MEP1B: variants seen among roughly 807,000 people sequenced by gnomAD.
MEP1B encodes meprin A subunit beta, also known as N-benzoyl-L-tyrosyl-P-amino-benzoic acid hydrolase subunit beta.
MEP1B carries 80 observed loss-of-function variants against 84.6 expected under a neutral mutation model. The observed-to-expected ratio is 0.95, with a 90% CI of 0.79 to 1.14. The LOEUF (loss-of-function observed/expected upper bound fraction) is 1.14, where lower values mean the gene tolerates loss of function less well. MEP1B is among the 50% of genes most tolerant of loss of function. MEP1B has a pLI of 0.00. For synonymous variants in MEP1B, 273 were observed against 288.1 expected (o/e 0.95, Z 0.53); for missense variants, 766 against 855.1 (o/e 0.90, Z 1.30).
intron 9 of MEP1B, among the ~76,000 whole-genome samples, chr18:32,209,722 C>T (rs538766653): frequency 2.6e-5 from 4 of 151,978 alleles, no homozygotes; most frequent in African/African-American, 9.7e-5. Flanking sequence ...ACAATATCTT[C>T]TGAAAGTTGA....
In MEP1B at chr18:32,210,492, C is replaced by G; in HGVS notation, c.920-9C>G. 1 of 1,611,772 alleles carries G rather than the reference C, an allele frequency of 6.2e-7. No homozygotes were observed. The highest frequency in any genetic ancestry group is 1.7e-4 in the Middle Eastern group (1 of 6,054). ...CTGTTTTTCTCTCAATTCTGCTTTT[C>G]TTTAACAGGTTCTGGTTTCTTCATG... On this transcript the variant is annotated splice_polypyrimidine_tract_variant and intron_variant, in intron 9 of 14. Transcript: ENST00000269202.
At chr18:32,190,704 T>C (rs1329499336) in intron 1 of MEP1B, among the ~76,000 whole-genome samples, 3 of 152,098 alleles carry the variant, frequency 2.0e-5, no homozygotes, top group Non-Finnish European at 2.9e-5. Context: ...ATTCTATGAA[T>C]AGGAACTAGA....
intron 12 of MEP1B, 43 bp downstream of exon 12, chr18:32,215,304 G>A (rs536127885): frequency 3.2e-6 from 4 of 1,256,550 alleles, no homozygotes; most frequent in East Asian, 5.0e-5. Flanking sequence ...GTTTTTTTTT[G>A]TTGTGGCCAC....
At chr18:32,218,734 G>C (rs540683670) in intron 14 of MEP1B, among the ~76,000 whole-genome samples, 2 of 152,248 alleles carry the variant, frequency 1.3e-5, no homozygotes, top group African/African-American at 4.8e-5. Context: ...TCTTAGGCAC[G>C]TCCTGAATCG....
chr18:32,198,884 G>T (rs995184832), intron 5 of MEP1B, among the ~76,000 whole-genome samples: 11 of 151,890 alleles, frequency 7.2e-5, no homozygotes, highest in Non-Finnish European at 1.2e-4. Flanking sequence ...TTCAGAGAAA[G>T]AATTAAGAGA....
At chr18:32,212,567 T>A (rs117885240) in intron 10 of MEP1B, among the ~76,000 whole-genome samples, 2,148 of 152,300 alleles carry the variant, frequency 0.014, 25 homozygotes, top group Non-Finnish European at 0.019. Context: ...AGATAAATAC[T>A]TACAATGCTG....
intron 14 of MEP1B, 108 bp from the exon 15 acceptor site, chr18:32,220,123 C>G: frequency 9.6e-7 from 1 of 1,047,022 alleles, no homozygotes; most frequent in East Asian, 2.6e-5. Flanking sequence ...GGCCAGGAGA[C>G]TGCTGATGGG....
intron 12 of MEP1B, 120 bp downstream of exon 12, chr18:32,215,381 T>G (rs2041073205): frequency 3.7e-6 from 2 of 534,912 alleles, no homozygotes; most frequent in Admixed American, 3.9e-5. Flanking sequence ...GTGGGGGGAA[T>G]GGGCATGAAT....
rs1568269316 is a variant in MEP1B, at chr18:32,207,253, C to T, written c.549C>T (p.Gly183=). ...AAAGATTTTTTATTTATCCTTTAGG[C>T]AGAGAGCACAATTTTAACACCTATA... ...VRIMWDRILS[G]REHNFNTYSD... Residue 183 remains glycine (G), a splice_region_variant and synonymous_variant, in exon 8 of 15, where the codon GGC becomes GGT. Transcript: ENST00000269202. 1.3e-6 allele frequency: 2 copies of T among 1,596,832 alleles called. No individual in the cohort carries two copies. The highest frequency in any genetic ancestry group is 3.4e-5 in the Admixed American group (2 of 59,608).
chr18:32,192,702 T>A lies in MEP1B; in HGVS notation c.127+12T>A, dbSNP rs970155241. 1.2e-6 allele frequency: 2 copies of A among 1,612,816 alleles called. No individual in the cohort carries two copies. Among genetic ancestry groups the A allele is most frequent in the African/African-American group, 2.7e-5 (2 of 74,916 alleles). ...TGATATCAATGAAGGTTTGTGGATT[T>A]TTTTTACATAATCTCTTAAGTAGAG... is the stretch of plus-strand genomic sequence containing the variant. On this transcript the variant is annotated intron_variant, in intron 3 of 14. Coordinates refer to ENST00000269202, the MANE Select transcript of MEP1B (RefSeq NM_005925.3).
At chr18:32,208,097 A>G (rs776374473) in intron 8 of MEP1B, 22 bp from the exon 9 acceptor site, 17 of 1,611,418 alleles carry the variant, frequency 1.1e-5, no homozygotes, top group Non-Finnish European at 1.3e-5. Flanking sequence ...GAGTGTCAAT[A>G]ATTGTTTTTT....
intron 10 of MEP1B, 43 bp from the exon 11 acceptor site, chr18:32,213,073 T>C (rs760582020): frequency 8.3e-6 from 13 of 1,560,756 alleles, no homozygotes; most frequent in Non-Finnish European, 1.1e-5. Flanking sequence ...ATGTACATGA[T>C]TTGAACTTCT....
At chr18:32,203,678 C>T (rs2040935007) in intron 6 of MEP1B, among the ~76,000 whole-genome samples, 1 of 152,098 alleles carries the variant, frequency 6.6e-6, no homozygotes, top group Admixed American at 6.5e-5. Flanking sequence ...GTAATTTATA[C>T]AGAAAAGAGG....
intron 14 of MEP1B, among the ~76,000 whole-genome samples, chr18:32,219,877 C>T (rs1188375412): frequency 1.3e-5 from 2 of 152,056 alleles, no homozygotes; most frequent in African/African-American, 4.8e-5. Flanking sequence ...GTCATTTAAA[C>T]ACATTCCTAA....
At chr18:32,217,412 A>C (rs1037474684) in intron 13 of MEP1B, among the ~76,000 whole-genome samples, 2 of 152,114 alleles carry the variant, frequency 1.3e-5, no homozygotes, top group African/African-American at 4.8e-5. Context: ...CATTTTCTAG[A>C]TGAAGATACT....
chr18:32,212,633 T>A (rs1162627095), intron 10 of MEP1B, among the ~76,000 whole-genome samples: 1 of 152,164 alleles, frequency 6.6e-6, no homozygotes, highest in Non-Finnish European at 1.5e-5. Flanking sequence ...TTCTAGGGTT[T>A]GGTGGATTTT....
intron 11 of MEP1B, 118 bp from the exon 12 acceptor site, chr18:32,214,964 G>A (rs2041066843): frequency 1.2e-5 from 9 of 722,764 alleles, no homozygotes; most frequent in Non-Finnish European, 1.7e-5. Flanking sequence ...CAGGTCAATA[G>A]CATCATTTAA....
At chr18:32,208,521 T>C (rs1043494574) in intron 9 of MEP1B, among the ~76,000 whole-genome samples, 7 of 152,186 alleles carry the variant, frequency 4.6e-5, no homozygotes, top group Non-Finnish European at 8.8e-5. Flanking sequence ...TGCGTTCCCA[T>C]AGGAGAGTGT....
chr18:32,202,999 C>T lies in MEP1B; in HGVS notation c.357C>T (p.Phe119=), dbSNP rs774265309. 5.0e-6 allele frequency: 8 copies of T among 1,599,832 alleles called. No individual in the cohort carries two copies. The highest frequency in any genetic ancestry group is 6.8e-6 in the Non-Finnish European group (8 of 1,169,120). The change falls in exon 6 of 15, where the codon TTC becomes TTT. Residue 119 remains phenylalanine (F), a synonymous_variant. Coordinates refer to ENST00000269202, the MANE Select transcript of MEP1B (RefSeq NM_005925.3). ...WAGETNYISV[F]KGSGCWSSVG... Reference sequence around the variant, plus strand: ...GAGAAACAAACTATATATCAGTGTTCAAGGGCAGTGGGTAAGTTGCAGACT... The same window carrying T: ...GAGAAACAAACTATATATCAGTGTTTAAGGGCAGTGGGTAAGTTGCAGACT...
Sources: gnomAD v4.1 joint callset for allele counts (sites outside exome capture counted in the v4.1 genomes callset) on GRCh38, gnomAD v4.1.1 for gene constraint, MANE v1.5 for transcripts, NCBI Gene and HGNC (gene_info 2026-07-23, HGNC 2026-07-21) for gene names.